PFKFB4: variants seen among roughly 807,000 people sequenced by gnomAD.
PFKFB4 encodes the protein 6-phosphofructo-2-kinase/fructose-2,6-biphosphatase 4.
PFKFB4 carries 42 observed loss-of-function variants against 62.8 expected under a neutral mutation model. The ratio of observed to expected loss-of-function variants is 0.67; its 90% CI spans 0.52 to 0.86. The LOEUF (loss-of-function observed/expected upper bound fraction) is 0.86, where lower values mean the gene tolerates loss of function less well. PFKFB4 is among the 40% of genes least tolerant of loss of function. PFKFB4 has a pLI of 0.00. For synonymous variants in PFKFB4, 204 were observed against 240.7 expected (o/e 0.85, Z 1.41); for missense variants, 475 against 627.2 (o/e 0.76, Z 2.59).
Position 48,536,306 on chromosome 3 carries a change from G to A in PFKFB4, c.790C>T (p.Leu264Phe). Residue 264 changes from leucine (L) to phenylalanine (F), a missense_variant, in exon 8 of 14, where the codon CTC becomes TTC. By Grantham distance (22) the Leu-to-Phe change is conservative. Coordinates refer to ENST00000232375, the MANE Select transcript of PFKFB4 (RefSeq NM_004567.4). Reference sequence around the variant, plus strand: ...GGGTCCCCGCCAATCCGGCCCTTGAGGTTGAGCTCGCTCTCCCCGTGCCGG... The same window carrying A: ...GGGTCCCCGCCAATCCGGCCCTTGAAGTTGAGCTCGCTCTCCCCGTGCCGG... ...LCRHGESELN[L>F]KGRIGGDPGL... The A allele has an allele frequency of 6.2e-7, 1 of 1,614,204 alleles. No individual in the cohort carries two copies. Among genetic ancestry groups the A allele is most frequent in the South Asian group, 1.1e-5 (1 of 91,086 alleles).
intron 9 of PFKFB4, among the ~76,000 whole-genome samples, chr3:48,531,661 T>C (rs2042432400): frequency 6.6e-6 from 1 of 150,914 alleles, no homozygotes; most frequent in African/African-American, 2.4e-5. Context: ...GGTATGGTGA[T>C]GTGTGCCTGT....
rs1316769601 is a variant in PFKFB4, at chr3:48,522,041, A to G, written c.1295T>C (p.Val432Ala). 1 of 1,614,014 alleles carries G rather than the reference A, an allele frequency of 6.2e-7. No homozygotes were observed. The highest frequency in any genetic ancestry group is 1.3e-5 in the African/African-American group (1 of 74,938). ...AGCCACGTTCAGGAATATGGACTCC[A>G]CTTTACAACCTGCCAAAGGGAAGAT... is the stretch of plus-strand genomic sequence containing the variant. ...KLTPVAYGCKVESIFLNVAAV... is the reference protein window; with the variant it reads ...KLTPVAYGCKAESIFLNVAAV... The change falls in exon 13 of 14, where the codon GTG (valine) becomes GCG (alanine). Residue 432 changes from valine to alanine, a missense_variant. Val to Ala is a moderately conservative substitution (Grantham distance 64). Coordinates refer to ENST00000232375, the MANE Select transcript of PFKFB4 (RefSeq NM_004567.4).
chr3:48,523,645 G>T (rs199789853), intron 11 of PFKFB4, 46 bp from the exon 12 acceptor site: 136 of 1,613,956 alleles, frequency 8.4e-5, no homozygotes, highest in Non-Finnish European at 1.1e-4. Context: ...AATGCCTGGT[G>T]ACAGTGCCTA....
At chr3:48,561,016 T>C (rs1244991782), upstream of PFKFB4, 10 of 1,210,966 alleles carry the variant, frequency 8.3e-6, no homozygotes, top group Non-Finnish European at 9.7e-6. The surrounding 1 kb of genome is among the most constrained non-coding windows in gnomAD (Gnocchi z 5.2). Flanking sequence ...GGTCTTTCCC[T>C]AACCCTCCAC....
At position 48,525,682 on chromosome 3, in the gene PFKFB4, C is replaced by T; in HGVS notation, c.988-13G>A. The T allele has an allele frequency of 6.9e-7, 1 of 1,446,302 alleles. No individual in the cohort carries two copies. The highest frequency in any genetic ancestry group is 9.6e-7 in the Non-Finnish European group (1 of 1,038,488). The allele number at this position is 1,446,302 out of a possible 1,614,324, so 89.6% of individuals were successfully genotyped here. ...CCTCACAGACGCCCTAGGGAGATAC[C>T]ACAGTCATCACACCTCCTACAGGCC... is the stretch of plus-strand genomic sequence containing the variant. On this transcript the variant is annotated splice_polypyrimidine_tract_variant and intron_variant, in intron 9 of 13. Coordinates refer to ENST00000232375, the MANE Select transcript of PFKFB4 (RefSeq NM_004567.4).
chr3:48,552,363 TGC>T (rs2043182323), intron 1 of PFKFB4, among the ~76,000 whole-genome samples: 1 of 152,246 alleles, frequency 6.6e-6, no homozygotes, highest in Non-Finnish European at 1.5e-5. Flanking sequence ...CAAAGGGCCT[TGC>T]TTGCCAGTGG....
At chr3:48,531,089 G>A (rs554981489) in intron 9 of PFKFB4, among the ~76,000 whole-genome samples, 17 of 152,136 alleles carry the variant, frequency 1.1e-4, no homozygotes, top group Non-Finnish European at 2.4e-4. Context: ...TGGACAGGTT[G>A]GGCATGGTGG....
At chr3:48,553,088 CAG>C (rs1449749033) in intron 1 of PFKFB4, among the ~76,000 whole-genome samples, 6 of 152,332 alleles carry the variant, frequency 3.9e-5, no homozygotes, top group Middle Eastern at 3.4e-3. Flanking sequence ...GCTCTCAAAA[CAG>C]AGCACGTGGA....
intron 5 of PFKFB4, 30 bp downstream of exon 5, chr3:48,539,667 C>T (rs571227562): frequency 3.1e-5 from 49 of 1,581,602 alleles, no homozygotes; most frequent in South Asian, 1.8e-4. Context: ...GCCACAGTTC[C>T]GCCAAGGAGA....
rs2042578402 is a variant in PFKFB4 at position 48,535,668 on chromosome 3, A to C, written c.841-10T>G. On this transcript the variant is annotated splice_polypyrimidine_tract_variant and intron_variant, in intron 8 of 13. Coordinates refer to ENST00000232375, the MANE Select transcript of PFKFB4 (RefSeq NM_004567.4). ...CTAGACTCTTGGCAAACTGAAATACATCATAAGCAAACTCAGACCCACAGG... is the reference window on the plus strand; with the variant it reads ...CTAGACTCTTGGCAAACTGAAATACCTCATAAGCAAACTCAGACCCACAGG... 3.7e-6 allele frequency: 6 copies of C among 1,613,954 alleles called. No homozygotes were observed. Among genetic ancestry groups the C allele is most frequent in the African/African-American group, 1.3e-5 (1 of 74,916 alleles).
At position 48,534,175 on chromosome 3, in the gene PFKFB4, G is replaced by A. The variant is rs148427765; in HGVS notation, c.987+1337C>T. 6.2e-4 allele frequency among the ~76,000 whole-genome samples: 94 copies of A among 151,920 alleles called. No individual in the cohort carries two copies. In the East Asian group the frequency reaches 0.016, roughly 25 times the overall value. On this transcript the variant is annotated intron_variant, in intron 9 of 13. Coordinates refer to ENST00000232375, the MANE Select transcript of PFKFB4 (RefSeq NM_004567.4). ...GTAGAAACTATCTAAATTAAAGCTC[G>A]GAAGGAAAAAAAGACAGAGAAGAAA...
chr3:48,536,233 C>T (rs775765332), intron 8 of PFKFB4, 23 bp downstream of exon 8: 13 of 1,601,064 alleles, frequency 8.1e-6, no homozygotes, highest in Non-Finnish European at 3.4e-6. Context: ...CCCGTGTGCG[C>T]ACGCAGGGAC....
Position 48,518,279 on chromosome 3 carries a change from G to C in PFKFB4, c.*1468C>G, listed in dbSNP as rs2041979138. 1 of 152,568 alleles carries C rather than the reference G, an allele frequency of 6.6e-6. No homozygotes were observed. Among genetic ancestry groups the C allele is most frequent in the Admixed American group, 6.5e-5 (1 of 15,288 alleles). The allele number at this position is 152,568 out of a possible 1,614,324, so 9.5% of individuals were successfully genotyped here. On this transcript the variant is annotated 3_prime_UTR_variant, in exon 14 of 14. Coordinates refer to ENST00000232375, the MANE Select transcript of PFKFB4 (RefSeq NM_004567.4). ...ACAAGGATGAGAGACCACCGGCCAG[G>C]GCCAGGGACGCTAACTTCTCTCAGG...
intron 3 of PFKFB4, 41 bp downstream of exon 3, chr3:48,549,823 C>G (rs2043075943): frequency 8.0e-7 from 1 of 1,245,076 alleles, no homozygotes. Flanking sequence ...ACACTGGGTC[C>G]CCCAGCAACC....
At chr3:48,532,975 C>A (rs1453959029) in intron 9 of PFKFB4, among the ~76,000 whole-genome samples, 1 of 152,174 alleles carries the variant, frequency 6.6e-6, no homozygotes, top group African/African-American at 2.4e-5. Context: ...ATAAAGTAGT[C>A]AAAGTCATAA....
Position 48,549,846 on chromosome 3 carries a change from C to T in PFKFB4, c.311+18G>A, listed in dbSNP as rs754180444. The T allele has an allele frequency of 6.6e-6, 10 of 1,504,802 alleles. No homozygotes were observed. Among genetic ancestry groups the T allele is most frequent in the Non-Finnish European group, 9.3e-6 (10 of 1,080,206 alleles). 93.2% of individuals were successfully genotyped at this position (1,504,802 alleles called of 1,614,324 possible). A position where few individuals can be genotyped will look rare whatever the true frequency, so the allele number is the denominator to read the frequency against. On this transcript the variant is annotated intron_variant, in intron 3 of 13. Transcript: ENST00000232375. ...TCCCCCAGCAACCTCTCCCCCCACA[C>T]CCAACACATATACTTACTTCCTGAT...
intron 1 of PFKFB4, among the ~76,000 whole-genome samples, chr3:48,550,464 G>A (rs2043106449): frequency 6.6e-6 from 1 of 152,130 alleles, no homozygotes; most frequent in South Asian, 2.1e-4. Flanking sequence ...AGACACAGTG[G>A]GATCTCTCCA....
intron 4 of PFKFB4, among the ~76,000 whole-genome samples, chr3:48,541,415 C>A (rs2042794946): frequency 6.6e-6 from 1 of 152,112 alleles, no homozygotes; most frequent in Admixed American, 6.6e-5. Context: ...AGGTGTGAGC[C>A]ACCGCACCTG....
chr3:48,556,842 C>T (rs2107612411), upstream of PFKFB4: 1 of 1,499,868 alleles, frequency 6.7e-7, no homozygotes. This position sits in a 1 kb window ranked among gnomAD's most constrained non-coding sequence, Gnocchi z 5.7. Flanking sequence ...CTCGGGCCAC[C>T]CGAGGTCCCG....
Sources: gnomAD v4.1 joint callset for allele counts (sites outside exome capture counted in the v4.1 genomes callset) on GRCh38, gnomAD v4.1.1 for gene constraint, Gnocchi (gnomAD v3.1) non-coding constraint, MANE v1.5 for transcripts, NCBI Gene and HGNC (gene_info 2026-07-23, HGNC 2026-07-21) for gene names.